Variants in SMAD5 observed in about 807,000 individuals in gnomAD.
SMAD5 encodes the protein SMAD family member 5.
SMAD5 carries 9 observed loss-of-function variants against 43.1 expected under a neutral mutation model. The observed-to-expected ratio is 0.21, with a 90% CI of 0.13 to 0.36. The LOEUF is 0.36. Among genes scored for constraint, SMAD5 ranks in the 10% least tolerant of loss-of-function variants. The pLI, the probability that SMAD5 is intolerant of heterozygous loss-of-function variation, is 1.00. For synonymous variants in SMAD5, 190 were observed against 192.4 expected, an observed-to-expected ratio of 0.99 and a Z score of 0.10; for missense variants, 348 against 574.0, an observed-to-expected ratio of 0.61 and a Z score of 4.02.
intron 6 of SMAD5, among the ~76,000 whole-genome samples, chr5:136,173,819 AT>A (rs958246122): frequency 2.0e-5 from 3 of 150,920 alleles, no homozygotes; most frequent in Admixed American, 1.3e-4. Flanking sequence ...TAAAATTTTT[AT>A]TTTTTTTGCC....
At position 136,177,199 on chromosome 5, in the gene SMAD5, T is replaced by G; in HGVS notation, c.1255-138T>G. Reference sequence around the variant, plus strand: ...ATTTCATGGTGAATACTAAGACTGGTTTTGTGATAGTTATTCTCTTTATGT... The same window carrying G: ...ATTTCATGGTGAATACTAAGACTGGGTTTGTGATAGTTATTCTCTTTATGT... On this transcript the variant is annotated intron_variant, in intron 7 of 7. Coordinates refer to ENST00000545279, the MANE Select transcript of SMAD5 (RefSeq NM_005903.7). 2 of 687,272 alleles carry G rather than the reference T, an allele frequency of 2.9e-6. 1 individual carries two copies. The highest frequency in any genetic ancestry group is 5.1e-6 in the Non-Finnish European group (2 of 391,636). 42.6% of individuals were successfully genotyped at this position (687,272 alleles called of 1,614,324 possible).
chr5:136,176,989 C>T (rs1754442907), intron 7 of SMAD5, among the ~76,000 whole-genome samples: 1 of 151,908 alleles, frequency 6.6e-6, no homozygotes, highest in Non-Finnish European at 1.5e-5. Flanking sequence ...TTGCATTTAT[C>T]CCATTAAGGG....
chr5:136,154,226 G>C lies in SMAD5; in HGVS notation c.403+63G>C. ...AACAAAAAACCTCTCTTCCTGATATGCATGTAACTAGATTTAGTAATGAAA... is the reference window on the plus strand; with the variant it reads ...AACAAAAAACCTCTCTTCCTGATATCCATGTAACTAGATTTAGTAATGAAA... On this transcript the variant is annotated intron_variant, in intron 3 of 7. Transcript: ENST00000545279. 3.1e-6 allele frequency: 3 copies of C among 975,858 alleles called. No homozygotes were observed. In the South Asian group the frequency reaches 6.7e-5, roughly 22 times the overall value. 60.4% of individuals were successfully genotyped at this position (975,858 alleles called of 1,614,324 possible).
At chr5:136,176,168 C>T (rs1350763506) in intron 7 of SMAD5, among the ~76,000 whole-genome samples, 5 of 150,450 alleles carry the variant, frequency 3.3e-5, no homozygotes, top group Admixed American at 3.3e-4. Flanking sequence ...AAAAAAAAAA[C>T]CTGGGCCGGG....
chr5:136,161,675 A>G (rs1191316963), intron 4 of SMAD5, among the ~76,000 whole-genome samples: 1 of 152,216 alleles, frequency 6.6e-6, no homozygotes, highest in African/African-American at 2.4e-5. Context: ...CTGGAGAAAG[A>G]TAAGTAGATT....
Position 136,153,193 on chromosome 5 carries a change from A to G in SMAD5, c.-169-399A>G, listed in dbSNP as rs151296143. Among the ~76,000 whole-genome samples the G allele has an allele frequency of 5.9e-5, 9 of 152,296 alleles. No individual in the cohort carries two copies. In the East Asian group the frequency reaches 7.7e-4, roughly 13 times the overall value. ...GAGCTGGATTTCTTTTAAGACTTCTATTCAGATCAGGACACAATCACGTTC... is the reference window on the plus strand; with the variant it reads ...GAGCTGGATTTCTTTTAAGACTTCTGTTCAGATCAGGACACAATCACGTTC... On this transcript the variant is annotated intron_variant, in intron 2 of 7. Transcript: ENST00000545279.
intron 5 of SMAD5, among the ~76,000 whole-genome samples, chr5:136,170,499 TAAAGTG>T (rs1020501186): frequency 7.9e-5 from 12 of 152,188 alleles, no homozygotes; most frequent in African/African-American, 2.9e-4. Flanking sequence ...TAGTAAGTCT[TAAAGTG>T]AAGTAGTGTC....
Position 136,154,183 on chromosome 5 carries a change from A to G in SMAD5, c.403+20A>G. On this transcript the variant is annotated intron_variant, in intron 3 of 7. Coordinates refer to ENST00000545279, the MANE Select transcript of SMAD5 (RefSeq NM_005903.7). ...GTCCAGGTAGGTCTTATTCCTGAGA[A>G]GAATTTGGAAAAACAAAAACAAAAA... The G allele has an allele frequency of 7.0e-7, 1 of 1,436,700 alleles. No individual in the cohort carries two copies. Among genetic ancestry groups the G allele is most frequent in the Non-Finnish European group, 9.1e-7 (1 of 1,093,532 alleles). The allele number at this position is 1,436,700 out of a possible 1,614,324, so 89.0% of individuals were successfully genotyped here. A position where few individuals can be genotyped will look rare whatever the true frequency, so the allele number is the denominator to read the frequency against.
At chr5:136,166,114 T>C (rs1402738274) in intron 5 of SMAD5, among the ~76,000 whole-genome samples, 1 of 152,038 alleles carries the variant, frequency 6.6e-6, no homozygotes, top group African/African-American at 2.4e-5. Flanking sequence ...ATTGACCATT[T>C]TAATGGGTAT....
chr5:136,146,792 A>G (rs1373700224), intron 1 of SMAD5, among the ~76,000 whole-genome samples: 1 of 151,788 alleles, frequency 6.6e-6, no homozygotes, highest in Non-Finnish European at 1.5e-5. Flanking sequence ...TACTTTTACT[A>G]TAGGTGGTTT....
rs751755926 is a variant in SMAD5, at chr5:136,174,470, T to C, written c.1092T>C (p.His364=). The change falls in exon 7 of 8, where the codon CAT becomes CAC. Residue 364 remains histidine (H), a synonymous_variant. Coordinates refer to ENST00000545279, the MANE Select transcript of SMAD5 (RefSeq NM_005903.7). ...FVQSRNCNFH[H]GFHPTTVCKI... Reference sequence around the variant, plus strand: ...AGAGTAGGAACTGCAACTTTCATCATGGCTTTCATCCCACCACTGTCTGTA... The same window carrying C: ...AGAGTAGGAACTGCAACTTTCATCACGGCTTTCATCCCACCACTGTCTGTA... 2.1e-5 allele frequency: 34 copies of C among 1,613,866 alleles called. No homozygotes were observed. Among genetic ancestry groups the C allele is most frequent in the Middle Eastern group, 1.6e-4 (1 of 6,084 alleles).
At chr5:136,144,042 A>G (rs1753181241) in intron 1 of SMAD5, among the ~76,000 whole-genome samples, 1 of 152,114 alleles carries the variant, frequency 6.6e-6, no homozygotes, top group Non-Finnish European at 1.5e-5. Flanking sequence ...AGATAATAGC[A>G]GATAATGGGT....
chr5:136,174,054 A>G (rs553090921), intron 6 of SMAD5, among the ~76,000 whole-genome samples: 1 of 152,070 alleles, frequency 6.6e-6, no homozygotes, highest in East Asian at 1.9e-4. Flanking sequence ...AGGACTCATC[A>G]AAAGATGATT....
intron 3 of SMAD5, among the ~76,000 whole-genome samples, chr5:136,160,370 A>G (rs1420990495): frequency 9.9e-5 from 15 of 152,152 alleles, no homozygotes; most frequent in Non-Finnish European, 1.2e-4. Flanking sequence ...CTCCTTGTTC[A>G]GTGCGTAGGC....
At chr5:136,162,078 G>A (rs1017344268) in intron 4 of SMAD5, among the ~76,000 whole-genome samples, 2 of 152,172 alleles carry the variant, frequency 1.3e-5, no homozygotes, top group African/African-American at 2.4e-5. Context: ...ATGGTCATGG[G>A]TAGCCAGAGC....
chr5:136,142,456 C>T (rs1452859239), intron 1 of SMAD5, among the ~76,000 whole-genome samples: 1 of 152,096 alleles, frequency 6.6e-6, no homozygotes, highest in Admixed American at 6.6e-5. Flanking sequence ...GTTCTGTGTT[C>T]AGTCAGTGGT....
chr5:136,163,547 G>A (rs996164172), intron 5 of SMAD5, among the ~76,000 whole-genome samples, 156 bp downstream of exon 5: 1 of 152,132 alleles, frequency 6.6e-6, no homozygotes, highest in African/African-American at 2.4e-5. Flanking sequence ...AATACACCAA[G>A]TTTTGCACCA....
chr5:136,164,287 C>A (rs1022416564), intron 5 of SMAD5, among the ~76,000 whole-genome samples: 10 of 152,252 alleles, frequency 6.6e-5, no homozygotes, highest in African/African-American at 2.4e-4. Flanking sequence ...TGCTGAATAA[C>A]ATGGTAAGTT....
chr5:136,135,823 C>T (rs3813476), intron 1 of SMAD5, among the ~76,000 whole-genome samples: 54,769 of 151,998 alleles, frequency 0.36, 10,848 homozygotes, highest in African/African-American at 0.54. Flanking sequence ...CCTGTTTTTA[C>T]TTCTAGACGA....
Sources: gnomAD v4.1 joint callset for allele counts (sites outside exome capture counted in the v4.1 genomes callset) on GRCh38, gnomAD v4.1.1 for gene constraint, MANE v1.5 for transcripts, NCBI Gene and HGNC (gene_info 2026-07-23, HGNC 2026-07-21) for gene names.